SELENOT: variants seen among roughly 807,000 people sequenced by gnomAD.
SELENOT encodes thioredoxin reductase-like selenoprotein T.
Under a neutral mutation model 24.3 loss-of-function variants are expected in SELENOT, and 9 were observed. The observed-to-expected ratio is 0.37, with a 90% CI of 0.22 to 0.65. The LOEUF (loss-of-function observed/expected upper bound fraction) is 0.65, where lower values mean the gene tolerates loss of function less well. Ranked by LOEUF, SELENOT falls within the 30% of genes least tolerant of loss-of-function variation. The probability of loss-of-function intolerance (pLI) is 0.60; values close to 1 mark genes in which losing one functional copy is unlikely to be tolerated. For missense variants in SELENOT, 166 were observed against 247.6 expected, an observed-to-expected ratio of 0.67 and a Z score of 2.21; for synonymous variants, 81 against 86.0, an observed-to-expected ratio of 0.94 and a Z score of 0.32.
intron 1 of SELENOT, among the ~76,000 whole-genome samples, chr3:150,609,029 T>C (rs1020006913): frequency 6.6e-6 from 1 of 152,242 alleles, no homozygotes; most frequent in Non-Finnish European, 1.5e-5. Context: ...TCTAGTATTA[T>C]GTTGAATAGG....
chr3:150,609,729 C>A (rs1053747464), intron 1 of SELENOT, among the ~76,000 whole-genome samples: 1 of 152,222 alleles, frequency 6.6e-6, no homozygotes, highest in African/African-American at 2.4e-5. Context: ...TCTTACTTCA[C>A]TGAAGTTGAC....
At chr3:150,622,212 G>A (rs1320840245) in intron 1 of SELENOT, among the ~76,000 whole-genome samples, 173 bp from the exon 2 acceptor site, 1 of 151,910 alleles carries the variant, frequency 6.6e-6, no homozygotes, top group Non-Finnish European at 1.5e-5. Flanking sequence ...ACTGAAATAT[G>A]TGAAATGTAT....
intron 1 of SELENOT, among the ~76,000 whole-genome samples, chr3:150,612,324 C>T (rs1559895997): frequency 6.6e-6 from 1 of 152,078 alleles, no homozygotes; most frequent in Non-Finnish European, 1.5e-5. Flanking sequence ...AACTCCTGAC[C>T]CTAAGTGATT....
chr3:150,603,351 G>A lies in SELENOT; in HGVS notation c.-12G>A. 5 of 1,608,202 alleles carry A rather than the reference G, an allele frequency of 3.1e-6. No homozygotes were observed. The highest frequency in any genetic ancestry group is 4.3e-6 in the Non-Finnish European group (5 of 1,175,872). On this transcript the variant is annotated 5_prime_UTR_variant, in exon 1 of 6. Transcript: ENST00000471696. ...CTGTCTGAGGGCGGCCGAAGTGGCT[G>A]GCTCATTTAAGATGAGGCTTCTGCT...
chr3:150,604,700 A>T (rs1258715784), intron 1 of SELENOT, among the ~76,000 whole-genome samples: 2 of 152,280 alleles, frequency 1.3e-5, no homozygotes, highest in South Asian at 2.1e-4. Flanking sequence ...GTGAGACTTT[A>T]TTTTTTTGAG....
chr3:150,611,731 G>A, intron 1 of SELENOT: 1 of 1,526,412 alleles, frequency 6.6e-7, no homozygotes, highest in Non-Finnish European at 9.0e-7. Context: ...GTTGCCAGGA[G>A]CCCGGCCTGG....
chr3:150,624,634 A>G (rs189892519), intron 3 of SELENOT, among the ~76,000 whole-genome samples, 178 bp from the exon 4 acceptor site: 4 of 152,284 alleles, frequency 2.6e-5, no homozygotes, highest in East Asian at 1.9e-4. Context: ...AATATCATCT[A>G]TAAGTGCTTC....
intron 1 of SELENOT, chr3:150,618,981 A>G (rs1332627453): frequency 6.6e-6 from 1 of 152,142 alleles, no homozygotes; most frequent in Non-Finnish European, 1.5e-5. Context: ...TTTTAAATCA[A>G]GCAATTGCAA....
At chr3:150,613,399 C>T (rs1559896204) in intron 1 of SELENOT, among the ~76,000 whole-genome samples, 2 of 152,108 alleles carry the variant, frequency 1.3e-5, no homozygotes, top group African/African-American at 4.8e-5. Context: ...AATTTTAAAT[C>T]ACTGTTAAAG....
At chr3:150,604,277 A>G (rs1725908708) in intron 1 of SELENOT, among the ~76,000 whole-genome samples, 1 of 152,178 alleles carries the variant, frequency 6.6e-6, no homozygotes, top group Non-Finnish European at 1.5e-5. Flanking sequence ...TGTTCTTTAA[A>G]TGATTTTGTT....
At chr3:150,606,062 A>G (rs1460614519) in intron 1 of SELENOT, among the ~76,000 whole-genome samples, 1 of 151,850 alleles carries the variant, frequency 6.6e-6, no homozygotes, top group East Asian at 1.9e-4. Context: ...AGTCAACACA[A>G]TAGCAACATA....
At chr3:150,621,002 G>C (rs1358514869) in intron 1 of SELENOT, among the ~76,000 whole-genome samples, 1 of 152,038 alleles carries the variant, frequency 6.6e-6, no homozygotes, top group African/African-American at 2.4e-5. Flanking sequence ...CAACTTTTCT[G>C]TAAATTTGAA....
intron 1 of SELENOT, among the ~76,000 whole-genome samples, chr3:150,604,326 TA>T (rs1323009795): frequency 6.6e-6 from 1 of 152,190 alleles, no homozygotes; most frequent in Non-Finnish European, 1.5e-5. Context: ...TGATGCATTT[TA>T]TACGGTAAGT....
rs768735210 is a variant in SELENOT, at chr3:150,629,338, T to A, written c.*1709T>A. 1.4e-4 allele frequency: 22 copies of A among 152,800 alleles called. No individual in the cohort carries two copies. The highest frequency in any genetic ancestry group is 2.1e-4 in the South Asian group (1 of 4,832). 9.5% of individuals were successfully genotyped at this position (152,800 alleles called of 1,614,324 possible). ...TGACAAGAGTCCTTAGAGATTGTTATTCAAGTTCCTTAGAAATTGTTATTT... is the reference window on the plus strand; with the variant it reads ...TGACAAGAGTCCTTAGAGATTGTTAATCAAGTTCCTTAGAAATTGTTATTT... On this transcript the variant is annotated 3_prime_UTR_variant, in exon 6 of 6. Coordinates refer to ENST00000471696, the MANE Select transcript of SELENOT (RefSeq NM_016275.5).
At chr3:150,606,141 T>C (rs1447811521) in intron 1 of SELENOT, among the ~76,000 whole-genome samples, 5 of 148,158 alleles carry the variant, frequency 3.4e-5, no homozygotes, top group African/African-American at 7.5e-5. Context: ...TTTTTTCCTT[T>C]CTTTCTTCCT....
chr3:150,625,721 A>G (rs929731407), intron 4 of SELENOT, among the ~76,000 whole-genome samples: 2 of 152,134 alleles, frequency 1.3e-5, no homozygotes, highest in Middle Eastern at 3.2e-3. Flanking sequence ...TTTGCTTTGC[A>G]TCAGTGAAAA....
At chr3:150,625,893 G>A (rs1022296486) in intron 4 of SELENOT, among the ~76,000 whole-genome samples, 9 of 143,372 alleles carry the variant, frequency 6.3e-5, no homozygotes, top group African/African-American at 1.8e-4. Flanking sequence ...TTTTTGAGAC[G>A]GAGTCTCGCT....
intron 1 of SELENOT, among the ~76,000 whole-genome samples, chr3:150,620,227 C>T (rs115349868): frequency 0.011 from 1,640 of 152,270 alleles, 15 homozygotes; most frequent in Middle Eastern, 0.02. Context: ...CCTTAAGGGA[C>T]TTCTTGGGGC....
At chr3:150,603,542 G>T (rs752862066) in intron 1 of SELENOT, 43 bp downstream of exon 1, 1 of 1,540,436 alleles carries the variant, frequency 6.5e-7, no homozygotes, top group Non-Finnish European at 8.8e-7. Flanking sequence ...CCGCGCCTCT[G>T]CTCGGCGCCA....
Sources: allele counts gnomAD v4.1 joint callset (sites outside exome capture counted in the v4.1 genomes callset), GRCh38; gene constraint gnomAD v4.1.1; transcripts MANE v1.5; gene names NCBI Gene and HGNC (gene_info 2026-07-23, HGNC 2026-07-21).